Variants in DNAJC24 observed in about 807,000 individuals in gnomAD.
The protein encoded by DNAJC24 is DnaJ heat shock protein family (Hsp40) member C24, also known as dnaJ homolog subfamily C member 24.
Under a neutral mutation model 18.0 loss-of-function variants are expected in DNAJC24, and 17 were observed. The ratio of observed to expected loss-of-function variants is 0.94; its 90% CI spans 0.65 to 1.42. The LOEUF is 1.42. Ranked by LOEUF, DNAJC24 falls within the 40% of genes most tolerant of loss-of-function variation. The pLI is 0.00. For missense variants in DNAJC24, 158 were observed against 175.6 expected, an observed-to-expected ratio of 0.90 and a Z score of 0.57; for synonymous variants, 55 against 57.7, an observed-to-expected ratio of 0.95 and a Z score of 0.21.
chr11:31,405,783 T>A (rs1393942728), intron 2 of DNAJC24, among the ~76,000 whole-genome samples: 1 of 152,114 alleles, frequency 6.6e-6, no homozygotes, highest in African/African-American at 2.4e-5. Flanking sequence ...GAAAAAAAAT[T>A]TATTGGCTCA....
At chr11:31,420,723 G>A (rs1419584277) in intron 3 of DNAJC24, among the ~76,000 whole-genome samples, 1 of 152,050 alleles carries the variant, frequency 6.6e-6, no homozygotes, top group Admixed American at 6.6e-5. Flanking sequence ...TTACTAATTT[G>A]ACTAAGGTCA....
At chr11:31,380,060 G>A (rs1952361479) in intron 2 of DNAJC24, among the ~76,000 whole-genome samples, 1 of 152,186 alleles carries the variant, frequency 6.6e-6, no homozygotes, top group Admixed American at 6.5e-5. Flanking sequence ...ATGAGCCACT[G>A]TGCCCGGCTG....
intron 2 of DNAJC24, among the ~76,000 whole-genome samples, chr11:31,387,609 T>C (rs1474617037): frequency 6.6e-6 from 1 of 152,212 alleles, no homozygotes; most frequent in East Asian, 1.9e-4. Context: ...CACACAAGTC[T>C]CTCTGAATAC....
chr11:31,391,855 T>C (rs1952499387), intron 2 of DNAJC24, among the ~76,000 whole-genome samples: 1 of 152,208 alleles, frequency 6.6e-6, no homozygotes, highest in South Asian at 2.1e-4. Context: ...GCAACTTAAG[T>C]GTACATCAAC....
chr11:31,432,712 T>A lies in DNAJC24; in HGVS notation c.*2311T>A. 1 of 629,884 alleles carries A rather than the reference T, an allele frequency of 1.6e-6. No individual in the cohort carries two copies. The allele number at this position is 629,884 out of a possible 1,614,324, so 39.0% of individuals were successfully genotyped here. On this transcript the variant is annotated 3_prime_UTR_variant, in exon 5 of 5. Transcript: ENST00000465995. ...TCAATCAAGAATAAAATTTTCTACATCAAAGTAAGACTTGAGAAAATAAAC... is the reference window on the plus strand; with the variant it reads ...TCAATCAAGAATAAAATTTTCTACAACAAAGTAAGACTTGAGAAAATAAAC...
chr11:31,429,398 A>T (rs1245079958), intron 4 of DNAJC24: 1 of 315,938 alleles, frequency 3.2e-6, no homozygotes, highest in Non-Finnish European at 7.0e-6. Flanking sequence ...GTATGAAATC[A>T]TGAGTCCTTT....
intron 2 of DNAJC24, among the ~76,000 whole-genome samples, chr11:31,371,240 G>A (rs2133461605): frequency 6.6e-6 from 1 of 152,336 alleles, no homozygotes; most frequent in South Asian, 2.1e-4. Flanking sequence ...ATTACTTGAA[G>A]TGTGGCTAGC....
chr11:31,401,149 G>C (rs563431200), intron 2 of DNAJC24, among the ~76,000 whole-genome samples: 8 of 152,312 alleles, frequency 5.3e-5, no homozygotes, highest in African/African-American at 1.9e-4. Flanking sequence ...CTGGTCATTA[G>C]TGAAATGCAA....
At position 31,430,265 on chromosome 11, in the gene DNAJC24, T is replaced by C. The variant is rs1328684851; in HGVS notation, c.320-6T>C. On this transcript the variant is annotated splice_polypyrimidine_tract_variant and splice_region_variant and intron_variant, in intron 4 of 4. Coordinates refer to ENST00000465995, the MANE Select transcript of DNAJC24 (RefSeq NM_181706.5). ...CTTTGAAAGATTATTTTGTTTTCTT[T>C]TGCAGGTGATCACTCTTTTTATCTG... 6.2e-7 allele frequency: 1 copy of C among 1,602,010 alleles called. No individual in the cohort carries two copies.
At chr11:31,399,251 ATTTTAGAGTTAGTAAATCTCACAG>A (rs1952574682) in intron 2 of DNAJC24, among the ~76,000 whole-genome samples, 1 of 152,172 alleles carries the variant, frequency 6.6e-6, no homozygotes, top group Admixed American at 6.5e-5. Context: ...ATAACATTAT[ATTTTAGAGTTAGTAAATCTCACAG>A]TTTAAGGTAT....
intron 2 of DNAJC24, among the ~76,000 whole-genome samples, chr11:31,376,131 G>C (rs1189775241): frequency 6.6e-6 from 1 of 152,104 alleles, no homozygotes; most frequent in Non-Finnish European, 1.5e-5. Context: ...ATTTTATAAG[G>C]GGTTTCCCCT....
Position 31,375,785 on chromosome 11 carries a change from T to C in DNAJC24, c.111+4926T>C, listed in dbSNP as rs1480927848. Among the ~76,000 whole-genome samples the C allele has an allele frequency of 1.5e-5, 2 of 135,390 alleles. 1 individual carries two copies. Among genetic ancestry groups the C allele is most frequent in the Non-Finnish European group, 3.4e-5 (2 of 58,500 alleles). 88.8% of individuals were successfully genotyped at this position (135,390 alleles called of 152,430 possible). On this transcript the variant is annotated intron_variant, in intron 2 of 4. Coordinates refer to ENST00000465995, the MANE Select transcript of DNAJC24 (RefSeq NM_181706.5). ...CTCTGTGAAGTAGAAGACAAAGTTA[T>C]CTGTTGAGAAGGGTGAGAGATGAAG... is the stretch of plus-strand genomic sequence containing the variant.
At chr11:31,411,761 A>G (rs1018831732) in intron 2 of DNAJC24, among the ~76,000 whole-genome samples, 10 of 152,204 alleles carry the variant, frequency 6.6e-5, no homozygotes, top group African/African-American at 2.2e-4. Context: ...CATGAACTAC[A>G]ACGTAATCAT....
rs1952613408 is a variant in DNAJC24 at position 31,402,830 on chromosome 11, A to C, written c.112-11981A>C. 1.3e-5 allele frequency among the ~76,000 whole-genome samples: 2 copies of C among 152,170 alleles called. 1 individual carries two copies. Among genetic ancestry groups the C allele is most frequent in the South Asian group, 4.1e-4 (2 of 4,830 alleles). ...TGGTTCCACTTTATAAAGTTTATAAAGTAGGTTAGTTTACAACAGCATTTC... is the reference window on the plus strand; with the variant it reads ...TGGTTCCACTTTATAAAGTTTATAACGTAGGTTAGTTTACAACAGCATTTC... On this transcript the variant is annotated intron_variant, in intron 2 of 4. Coordinates refer to ENST00000465995, the MANE Select transcript of DNAJC24 (RefSeq NM_181706.5).
chr11:31,424,742 A>C (rs186812391), intron 3 of DNAJC24, among the ~76,000 whole-genome samples: 1 of 152,316 alleles, frequency 6.6e-6, no homozygotes, highest in East Asian at 1.9e-4. Flanking sequence ...ACATACTTTA[A>C]TAGAAAACCA....
At chr11:31,409,034 T>C (rs1952680710) in intron 2 of DNAJC24, among the ~76,000 whole-genome samples, 1 of 152,212 alleles carries the variant, frequency 6.6e-6, no homozygotes, top group East Asian at 1.9e-4. Flanking sequence ...TTTGAAGTTA[T>C]TAGAGTTGGC....
intron 2 of DNAJC24, among the ~76,000 whole-genome samples, chr11:31,412,378 A>T (rs912175476): frequency 1.3e-5 from 2 of 152,172 alleles, no homozygotes; most frequent in Non-Finnish European, 2.9e-5. Context: ...TGACATACTG[A>T]ATTAAGAGTT....
chr11:31,412,328 A>G (rs1370568002), intron 2 of DNAJC24, among the ~76,000 whole-genome samples: 3 of 152,166 alleles, frequency 2.0e-5, no homozygotes, highest in African/African-American at 7.2e-5. Context: ...TACTTTATAG[A>G]TACAAATTTA....
chr11:31,382,985 T>A (rs747799557), intron 2 of DNAJC24, among the ~76,000 whole-genome samples: 10 of 152,174 alleles, frequency 6.6e-5, no homozygotes, highest in Non-Finnish European at 8.8e-5. Flanking sequence ...GAAAATTTAC[T>A]TGTATTTACA....
Sources: gnomAD v4.1 joint callset for allele counts (sites outside exome capture counted in the v4.1 genomes callset) on GRCh38, gnomAD v4.1.1 for gene constraint, MANE v1.5 for transcripts, NCBI Gene and HGNC (gene_info 2026-07-23, HGNC 2026-07-21) for gene names.